CNTN6: variants seen among roughly 807,000 people sequenced by gnomAD.
CNTN6 encodes the protein contactin 6, also known as contactin-6.
Under a neutral mutation model 122.8 loss-of-function variants are expected in CNTN6, and 137 were observed. That is an observed-to-expected ratio of 1.12 (90% CI 0.97 to 1.29). The LOEUF is 1.29. CNTN6 is among the 50% of genes most tolerant of loss of function. The pLI is 0.00. For synonymous variants in CNTN6, 570 were observed against 426.0 expected (o/e 1.34, Z -4.16); for missense variants, 1,634 against 1,223.4 (o/e 1.34, Z -5.01).
At chr3:1,291,859 A>G (rs1422346878) in intron 5 of CNTN6, among the ~76,000 whole-genome samples, 1 of 152,186 alleles carries the variant, frequency 6.6e-6, no homozygotes, top group Non-Finnish European at 1.5e-5. Flanking sequence ...TAAAGACTCA[A>G]TACATGAGAA....
chr3:1,278,324 T>G, intron 4 of CNTN6, 89 bp from the exon 5 acceptor site: 1 of 919,176 alleles, frequency 1.1e-6, no homozygotes, highest in Non-Finnish European at 1.6e-6. Context: ...TAATTCCCCT[T>G]AATAATAAAA....
At chr3:1,401,801 G>A (rs541300874) in intron 21 of CNTN6, among the ~76,000 whole-genome samples, 1 of 152,062 alleles carries the variant, frequency 6.6e-6, no homozygotes, top group Admixed American at 6.6e-5. Flanking sequence ...GGCATCCCTT[G>A]CTATCATAAG....
chr3:1,387,354 C>T (rs1693181950), intron 20 of CNTN6, among the ~76,000 whole-genome samples: 1 of 151,008 alleles, frequency 6.6e-6, no homozygotes, highest in African/African-American at 2.4e-5. Flanking sequence ...TCCTGTTTTA[C>T]TCAATGTTGA....
At chr3:1,282,484 T>C (rs1475088835) in intron 5 of CNTN6, among the ~76,000 whole-genome samples, 1 of 152,202 alleles carries the variant, frequency 6.6e-6, no homozygotes, top group East Asian at 1.9e-4. Flanking sequence ...AGGAGTATAT[T>C]TCTCTTTTAA....
chr3:1,335,985 G>C lies in CNTN6; in HGVS notation c.1364+6050G>C, dbSNP rs1702997393. 2.6e-5 allele frequency among the ~76,000 whole-genome samples: 4 copies of C among 152,122 alleles called. No individual in the cohort carries two copies. The South Asian group carries it at 8.3e-4, about 32-fold the overall frequency. Reference sequence around the variant, plus strand: ...GAATAACTTGAGCCCAGGATGTTGAGGCTGCAGTGAGCCATGATTGTGCCA... The same window carrying C: ...GAATAACTTGAGCCCAGGATGTTGACGCTGCAGTGAGCCATGATTGTGCCA... On this transcript the variant is annotated intron_variant, in intron 11 of 22. Coordinates refer to ENST00000446702, the MANE Select transcript of CNTN6 (RefSeq NM_001289080.2).
intron 4 of CNTN6, among the ~76,000 whole-genome samples, chr3:1,258,681 C>G (rs1298656857): frequency 1.3e-5 from 2 of 152,110 alleles, no homozygotes; most frequent in African/African-American, 4.8e-5. Flanking sequence ...CCTCGTGTCA[C>G]CTTTTTAATA....
chr3:1,161,941 A>C (rs1389652108), intron 2 of CNTN6, among the ~76,000 whole-genome samples: 1 of 152,114 alleles, frequency 6.6e-6, no homozygotes, highest in East Asian at 1.9e-4. Flanking sequence ...TTCATACAGA[A>C]TTAGTACTAA....
At chr3:1,225,501 C>T (rs947674136) in intron 3 of CNTN6, among the ~76,000 whole-genome samples, 2 of 152,040 alleles carry the variant, frequency 1.3e-5, no homozygotes, top group African/African-American at 2.4e-5. Context: ...ATGATGACAG[C>T]GGTTATTTCA....
chr3:1,386,408 T>G (rs1279388658), intron 20 of CNTN6, among the ~76,000 whole-genome samples: 1 of 152,202 alleles, frequency 6.6e-6, no homozygotes, highest in Non-Finnish European at 1.5e-5. Flanking sequence ...CTGTTTTGTC[T>G]TATATCCCCT....
chr3:1,383,030 A>C lies in CNTN6; in HGVS notation c.2255A>C (p.Lys752Thr). ...GGCTCGACAACCTGGTCCAAGGAGA[A>C]AGTGTCATCTGTGGAATCATCAAGG... ...PVGSTTWSKEKVSSVESSRFV... is the reference protein window; with the variant it reads ...PVGSTTWSKETVSSVESSRFV... The change falls in exon 18 of 23, where the codon AAA becomes ACA. Residue 752 changes from lysine to threonine, a missense_variant. By Grantham distance (78) the Lys-to-Thr change is moderately conservative (BLOSUM62 -1). Coordinates refer to ENST00000446702, the MANE Select transcript of CNTN6 (RefSeq NM_001289080.2). 1 of 1,614,090 alleles carries C rather than the reference A, an allele frequency of 6.2e-7. No homozygotes were observed. The highest frequency in any genetic ancestry group is 8.5e-7 in the Non-Finnish European group (1 of 1,179,938).
At position 1,172,615 on chromosome 3, in the gene CNTN6, A is replaced by ACTCT. The variant is rs148092428; in HGVS notation, c.55+24555_55+24558dup. 7.4e-3 allele frequency among the ~76,000 whole-genome samples: 569 copies of ACTCT among 76,806 alleles called. 10 individuals carry two copies. Among genetic ancestry groups the ACTCT allele is most frequent in the African/African-American group, 0.032 (532 of 16,422 alleles). The allele number at this position is 76,806 out of a possible 152,430, so 50.4% of individuals were successfully genotyped here. A position where few individuals can be genotyped will look rare whatever the true frequency, so the allele number is the denominator to read the frequency against. ...TGAAAAGTGAAGACAGTCTGCAATA[A>ACTCT]CTCTCTGTGTGTGTGTGTGTGTGTG... On this transcript the variant is annotated intron_variant, in intron 2 of 22. Coordinates refer to ENST00000446702, the MANE Select transcript of CNTN6 (RefSeq NM_001289080.2).
intron 5 of CNTN6, among the ~76,000 whole-genome samples, chr3:1,287,744 C>G (rs571798522): frequency 3.3e-5 from 5 of 152,246 alleles, no homozygotes; most frequent in Non-Finnish European, 7.4e-5. Context: ...CATTAAGGTG[C>G]TAAAAGACAC....
At chr3:1,385,865 T>C in intron 20 of CNTN6, 68 bp downstream of exon 20, 1 of 1,373,934 alleles carries the variant, frequency 7.3e-7, no homozygotes, top group Non-Finnish European at 9.8e-7. Flanking sequence ...TTGCTTGATG[T>C]TCATTTCATT....
At chr3:1,374,344 T>A (rs774773387) in intron 16 of CNTN6, among the ~76,000 whole-genome samples, 8 of 152,086 alleles carry the variant, frequency 5.3e-5, no homozygotes, top group Non-Finnish European at 1.0e-4. Context: ...TATTTTCTAG[T>A]CAAAATTCAT....
chr3:1,369,383 T>C (rs1418793572), intron 12 of CNTN6, among the ~76,000 whole-genome samples: 1 of 12,566 alleles, frequency 8.0e-5, no homozygotes, highest in South Asian at 2.6e-3. Context: ...TGCTGCGGGT[T>C]TTTTTTTTTT....
chr3:1,297,766 T>G, intron 6 of CNTN6, 123 bp from the exon 7 acceptor site: 1 of 766,528 alleles, frequency 1.3e-6, no homozygotes, highest in Non-Finnish European at 2.2e-6. Context: ...ATGTATCCAA[T>G]TCTTAACTGA....
intron 7 of CNTN6, among the ~76,000 whole-genome samples, chr3:1,307,073 G>T (rs1237887205): frequency 6.6e-6 from 1 of 152,126 alleles, no homozygotes; most frequent in Non-Finnish European, 1.5e-5. Flanking sequence ...CTTGGCCCTG[G>T]GAGATAAAGA....
chr3:1,335,225 A>G (rs566541343), intron 11 of CNTN6, among the ~76,000 whole-genome samples: 1 of 152,278 alleles, frequency 6.6e-6, no homozygotes, highest in Admixed American at 6.5e-5. Context: ...TATGTCCGGA[A>G]TGACAGGTGA....
intron 2 of CNTN6, among the ~76,000 whole-genome samples, chr3:1,160,705 C>G (rs1051532546): frequency 3.0e-4 from 45 of 150,668 alleles, no homozygotes; most frequent in South Asian, 2.1e-4. Context: ...TCCCATTAGG[C>G]TTCCATAGAA....
Sources: allele counts gnomAD v4.1 joint callset (sites outside exome capture counted in the v4.1 genomes callset), GRCh38; gene constraint gnomAD v4.1.1; transcripts MANE v1.5; gene names NCBI Gene and HGNC (gene_info 2026-07-23, HGNC 2026-07-21).